The following GNB1L variants were observed in gnomAD, a reference collection of about 807,000 sequenced individuals.
GNB1L encodes guanine nucleotide-binding protein subunit beta-like protein 1.
A neutral mutation model predicts 29.1 loss-of-function variants in GNB1L; 20 were observed. The observed-to-expected ratio is 0.69, with a 90% confidence interval of 0.48 to 1.00. The LOEUF (loss-of-function observed/expected upper bound fraction) is 1.00. GNB1L is among the 50% of genes least tolerant of loss of function. GNB1L has a pLI of 0.00. For synonymous variants in GNB1L, 193 were observed against 206.5 expected (o/e 0.93, Z 0.56); for missense variants, 421 against 464.9 (o/e 0.91, Z 0.87).
chr22:19,806,878 G>T (rs549857004), intron 5 of GNB1L, 121 bp from the exon 6 acceptor site: 1 of 765,914 alleles, frequency 1.3e-6, no homozygotes, highest in East Asian at 2.7e-5. Context: ...TCCCCTCCCC[G>T]TGGGCACCTG....
At chr22:19,797,590 A>G (rs1475056043) in intron 7 of GNB1L, among the ~76,000 whole-genome samples, 4 of 152,154 alleles carry the variant, frequency 2.6e-5, no homozygotes, top group African/African-American at 9.7e-5. Flanking sequence ...AGATGCCACC[A>G]AACAACCCAC....
intron 2 of GNB1L, among the ~76,000 whole-genome samples, chr22:19,852,725 A>G (rs1283822952): frequency 4.3e-4 from 66 of 152,310 alleles, no homozygotes; most frequent in African/African-American, 1.4e-3. Flanking sequence ...GCCAGATCAG[A>G]ACTGTCAGGA....
Position 19,812,401 on chromosome 22 carries a change from T to G in GNB1L, c.301A>C (p.Arg101=), listed in dbSNP as rs1937509284. The G allele has an allele frequency of 1.9e-6, 3 of 1,613,334 alleles. No homozygotes were observed. The highest frequency in any genetic ancestry group is 2.5e-6 in the Non-Finnish European group (3 of 1,179,950). The change falls in exon 5 of 8, where the codon AGG becomes CGG. Residue 101 remains arginine, a synonymous_variant. Coordinates refer to ENST00000329517, the MANE Select transcript of GNB1L (RefSeq NM_053004.3). ...CACACGGAGTCCACGACAGCGCTCC[T>G]GCCCTCCGCGAGGTCCCACAGGCAC... is the stretch of plus-strand genomic sequence containing the variant. ...KLCLWDLAEG[R]SAVVDSVCLE...
chr22:19,828,835 C>CTT (rs539568221), intron 2 of GNB1L, among the ~76,000 whole-genome samples: 4 of 141,726 alleles, frequency 2.8e-5, no homozygotes, highest in African/African-American at 5.1e-5. Flanking sequence ...TACTCTTTTT[C>CTT]TTTTTTTTTT....
chr22:19,818,815 G>A (rs116686751), intron 4 of GNB1L, among the ~76,000 whole-genome samples: 4 of 152,116 alleles, frequency 2.6e-5, no homozygotes, highest in East Asian at 1.9e-4. Context: ...TGGTGGCAGC[G>A]ATCCCCACAC....
chr22:19,798,153 GCCAGCACCTGCTGCGCGGGGCCGTCAAGT>G (rs548516690), intron 7 of GNB1L, among the ~76,000 whole-genome samples: 4 of 152,050 alleles, frequency 2.6e-5, no homozygotes, highest in African/African-American at 4.8e-5. Context: ...GGCTGTCAAG[GCCAGCACCTGCTGCGCGGGGCCGTCAAGT>G]CCAGCACCTG....
chr22:19,804,955 T>A (rs2145869950), intron 6 of GNB1L, among the ~76,000 whole-genome samples: 1 of 152,332 alleles, frequency 6.6e-6, no homozygotes, highest in East Asian at 1.9e-4. Context: ...GCCCACTGCC[T>A]GCGGGGTTGC....
At chr22:19,853,566 A>T (rs575226200) in intron 2 of GNB1L, among the ~76,000 whole-genome samples, 1 of 152,146 alleles carries the variant, frequency 6.6e-6, no homozygotes, top group African/African-American at 2.4e-5. Flanking sequence ...ACACACCTTC[A>T]TCCCACATCT....
chr22:19,852,248 C>T (rs747925044), intron 2 of GNB1L: 52 of 1,605,652 alleles, frequency 3.2e-5, no homozygotes, highest in South Asian at 2.1e-4. Context: ...CTGACGGCAC[C>T]GGCCACGAGG....
intron 7 of GNB1L, among the ~76,000 whole-genome samples, chr22:19,797,477 A>G (rs1937319872): frequency 1.3e-5 from 2 of 152,258 alleles, no homozygotes; most frequent in Non-Finnish European, 2.9e-5. Flanking sequence ...GAAAACCTGT[A>G]TGAGTTGGAG....
At chr22:19,841,018 C>G (rs1027374244) in intron 2 of GNB1L, among the ~76,000 whole-genome samples, 6 of 152,152 alleles carry the variant, frequency 3.9e-5, no homozygotes, top group African/African-American at 1.4e-4. Flanking sequence ...GTTGTCCTGG[C>G]CAGAGGAGCC....
intron 5 of GNB1L, among the ~76,000 whole-genome samples, chr22:19,807,841 A>C (rs1937453888): frequency 6.6e-6 from 1 of 152,310 alleles, no homozygotes; most frequent in African/African-American, 2.4e-5. Context: ...ACTAACCCAC[A>C]CAGAATAGGC....
At chr22:19,806,894 C>T in intron 5 of GNB1L, 137 bp from the exon 6 acceptor site, 1 of 719,242 alleles carries the variant, frequency 1.4e-6, no homozygotes, top group Non-Finnish European at 2.5e-6. Flanking sequence ...ACCTGGGAGC[C>T]CAGGCTCCTA....
intron 2 of GNB1L, chr22:19,848,682 G>C: frequency 1.0e-6 from 1 of 985,444 alleles, no homozygotes; most frequent in South Asian, 4.7e-5. Context: ...AGCCTGCCTA[G>C]GTGGATGCTG....
rs1937259698 is a variant in GNB1L at position 19,792,214 on chromosome 22, TGAACATATCA to T, written c.733-3264_733-3255del. 2.0e-5 allele frequency: 12 copies of T among 601,958 alleles called. 1 individual carries two copies. The South Asian group carries it at 2.5e-4, about 12-fold the overall frequency. The allele number at this position is 601,958 out of a possible 1,614,324, so 37.3% of individuals were successfully genotyped here. ...ACTGACCCCAAAATGGCAGAGATGT[TGAACATATCA>T]GATAAAGACTTTAAAGAAACTCCTT... On this transcript the variant is annotated intron_variant, in intron 7 of 7. Transcript: ENST00000329517.
intron 2 of GNB1L, chr22:19,848,759 A>G (rs1938024745): frequency 7.1e-6 from 7 of 985,564 alleles, no homozygotes; most frequent in Non-Finnish European, 8.4e-6. Flanking sequence ...CTGGGTCCCA[A>G]GGGCACAAAA....
chr22:19,789,454 C>T (rs185289611), intron 7 of GNB1L, among the ~76,000 whole-genome samples: 147 of 152,156 alleles, frequency 9.7e-4, no homozygotes, highest in African/African-American at 3.4e-3. Flanking sequence ...CCCCCAAGCT[C>T]GACAGGGCTG....
At position 19,820,739 on chromosome 22, in the gene GNB1L, C is replaced by G; in HGVS notation, c.129-16G>C. ...ACTCTGAGACCTGTTTCAGACAAGCCGAGCAGGGTGTCAGGGGGCAGAAGG... is the reference window on the plus strand; with the variant it reads ...ACTCTGAGACCTGTTTCAGACAAGCGGAGCAGGGTGTCAGGGGGCAGAAGG... On this transcript the variant is annotated splice_polypyrimidine_tract_variant and intron_variant, in intron 3 of 7. Coordinates refer to ENST00000329517, the MANE Select transcript of GNB1L (RefSeq NM_053004.3). 6.2e-7 allele frequency: 1 copy of G among 1,602,478 alleles called. No homozygotes were observed. Among genetic ancestry groups the G allele is most frequent in the Non-Finnish European group, 8.5e-7 (1 of 1,171,084 alleles).
At chr22:19,813,450 G>T (rs768087058) in intron 4 of GNB1L, among the ~76,000 whole-genome samples, 1 of 152,012 alleles carries the variant, frequency 6.6e-6, no homozygotes. Context: ...GTGGGAGGCC[G>T]AGGCAGGTGG....
Sources: allele counts gnomAD v4.1 joint callset (sites outside exome capture counted in the v4.1 genomes callset), GRCh38; gene constraint gnomAD v4.1.1; transcripts MANE v1.5; gene names NCBI Gene and HGNC (gene_info 2026-07-23, HGNC 2026-07-21).